The following NAALADL2 variants were observed in gnomAD, a reference collection of about 807,000 sequenced individuals.
NAALADL2 encodes N-acetylated alpha-linked acidic dipeptidase like 2, also known as inactive N-acetylated-alpha-linked acidic dipeptidase-like protein 2.
Under a neutral mutation model 87.2 loss-of-function variants are expected in NAALADL2, and 76 were observed. That is an observed-to-expected ratio of 0.87 (90% confidence interval 0.72 to 1.05). NAALADL2 has a LOEUF of 1.05. Among genes scored for constraint, NAALADL2 ranks in the 50% least tolerant of loss-of-function variants. The pLI is 0.00. For synonymous variants in NAALADL2, 354 were observed against 331.0 expected, an observed-to-expected ratio of 1.07 and a Z score of -0.75; for missense variants, 1,089 against 945.8, an observed-to-expected ratio of 1.15 and a Z score of -1.99.
chr3:175,406,365 G>A (rs1219152570), intron 5 of NAALADL2, among the ~76,000 whole-genome samples: 1 of 152,134 alleles, frequency 6.6e-6, no homozygotes, highest in African/African-American at 2.4e-5. Context: ...TCCTGACTAA[G>A]ACACAACATT....
rs1037338269 is a variant in NAALADL2, at chr3:175,362,890, T to A, written c.1090+38565T>A. 2.7e-5 allele frequency among the ~76,000 whole-genome samples: 4 copies of A among 147,922 alleles called. 1 individual carries two copies. The highest frequency in any genetic ancestry group is 4.9e-5 in the African/African-American group (2 of 40,698). ...CATGGCCATTCTTGAAGGAGTAAGG[T>A]GGTATCACCTTGTGGTTTTGATTTT... is the stretch of plus-strand genomic sequence containing the variant. On this transcript the variant is annotated intron_variant, in intron 5 of 13. Coordinates refer to ENST00000454872, the MANE Select transcript of NAALADL2 (RefSeq NM_207015.3).
chr3:175,660,087 T>C (rs1248763723), intron 11 of NAALADL2, among the ~76,000 whole-genome samples: 1 of 152,150 alleles, frequency 6.6e-6, no homozygotes, highest in Non-Finnish European at 1.5e-5. Flanking sequence ...TATGTCCTCA[T>C]GTGGTGAAAA....
intron 2 of NAALADL2, among the ~76,000 whole-genome samples, chr3:174,706,749 C>T (rs1016431018): frequency 1.3e-5 from 2 of 152,164 alleles, no homozygotes; most frequent in African/African-American, 4.8e-5. Context: ...AGGTTTTCTT[C>T]TAGGGTTTTT....
At chr3:175,174,824 A>G (rs981583700) in intron 2 of NAALADL2, among the ~76,000 whole-genome samples, 2 of 99,988 alleles carry the variant, frequency 2.0e-5, no homozygotes, top group African/African-American at 6.2e-5. Flanking sequence ...ATATATGTAT[A>G]CACACACACA....
At chr3:175,623,736 A>G (rs1726578285) in intron 10 of NAALADL2, among the ~76,000 whole-genome samples, 1 of 152,004 alleles carries the variant, frequency 6.6e-6, no homozygotes, top group Admixed American at 6.6e-5. Context: ...GGAATCTCAT[A>G]AAGCCTCAGG....
chr3:175,000,432 C>G (rs904715268), intron 1 of NAALADL2, among the ~76,000 whole-genome samples: 1 of 152,108 alleles, frequency 6.6e-6, no homozygotes, highest in Non-Finnish European at 1.5e-5. Context: ...ATTTCTGTCA[C>G]GAGTACTCAA....
At chr3:175,623,579 C>T (rs1726553457) in intron 10 of NAALADL2, among the ~76,000 whole-genome samples, 1 of 151,868 alleles carries the variant, frequency 6.6e-6, no homozygotes, top group Admixed American at 6.6e-5. Flanking sequence ...TGGGTGGGCT[C>T]AAAATCCTAT....
chr3:174,884,817 T>G (rs1235491023), intron 1 of NAALADL2, among the ~76,000 whole-genome samples: 5 of 152,120 alleles, frequency 3.3e-5, no homozygotes, highest in Non-Finnish European at 7.4e-5. Context: ...GCACACCTCC[T>G]CAGAGGTGAC....
intron 12 of NAALADL2, among the ~76,000 whole-genome samples, chr3:175,754,703 GA>G (rs1285034005): frequency 6.6e-6 from 1 of 152,012 alleles, no homozygotes; most frequent in Non-Finnish European, 1.5e-5. Context: ...ATAAATTTTT[GA>G]GTCAGAAAGA....
intron 2 of NAALADL2, among the ~76,000 whole-genome samples, chr3:174,578,132 T>G (rs1274376523): frequency 6.6e-6 from 1 of 152,000 alleles, no homozygotes; most frequent in Non-Finnish European, 1.5e-5. Flanking sequence ...ATCACTGACC[T>G]GTGGAACAAT....
In NAALADL2 at chr3:174,447,013, T is replaced by G. The variant is rs75137443; in HGVS notation, c.-184+5981T>G. On this transcript the variant is annotated intron_variant, in intron 1 of 3. Transcript: ENST00000434257. Reference sequence around the variant, plus strand: ...CTTTAAAAATAATAACAAGGTATCTTCAAGTAAAATGGCTACTAATTATGC... The same window carrying G: ...CTTTAAAAATAATAACAAGGTATCTGCAAGTAAAATGGCTACTAATTATGC... Among the ~76,000 whole-genome samples, 814 of 152,258 alleles carry G rather than the reference T, an allele frequency of 5.3e-3. 7 individuals are homozygous for G. Among genetic ancestry groups the G allele is most frequent in the East Asian group, 0.041 (211 of 5,180 alleles).
intron 10 of NAALADL2, among the ~76,000 whole-genome samples, chr3:175,619,381 A>G (rs1646082120): frequency 6.6e-6 from 1 of 151,360 alleles, no homozygotes; most frequent in African/African-American, 2.4e-5. Flanking sequence ...CACTAACAAG[A>G]TTGCCTCCCA....
At chr3:175,738,698 A>G (rs528476907) in intron 12 of NAALADL2, among the ~76,000 whole-genome samples, 8 of 152,272 alleles carry the variant, frequency 5.3e-5, no homozygotes, top group African/African-American at 1.9e-4. Flanking sequence ...ATTTGTTACC[A>G]TACAAATAGC....
intron 10 of NAALADL2, among the ~76,000 whole-genome samples, chr3:175,590,591 A>C (rs12487225): frequency 0.88 from 134,511 of 152,036 alleles, 59,785 homozygotes; most frequent in Admixed American, 0.94. Flanking sequence ...GATCAACATG[A>C]TCAAATTTTG....
intron 1 of NAALADL2, among the ~76,000 whole-genome samples, chr3:174,902,412 C>T (rs1732424907): frequency 6.6e-6 from 1 of 151,736 alleles, no homozygotes; most frequent in Admixed American, 6.6e-5. Context: ...CCGGTAGTGA[C>T]TATTAATGTA....
chr3:174,518,876 C>T (rs1171832212), intron 1 of NAALADL2, among the ~76,000 whole-genome samples: 1 of 152,168 alleles, frequency 6.6e-6, no homozygotes, highest in Non-Finnish European at 1.5e-5. Context: ...TTTGAGAAAG[C>T]AGAAGTAGTT....
intron 3 of NAALADL2, among the ~76,000 whole-genome samples, chr3:174,811,092 G>T (rs559102023): frequency 6.6e-6 from 1 of 152,204 alleles, no homozygotes; most frequent in Non-Finnish European, 1.5e-5. Context: ...TGCAGGGGAC[G>T]TATGGAAAAG....
intron 3 of NAALADL2, among the ~76,000 whole-genome samples, chr3:174,840,379 A>T (rs1260779968): frequency 6.6e-6 from 1 of 152,120 alleles, no homozygotes; most frequent in Non-Finnish European, 1.5e-5. Flanking sequence ...CAAGGTGTGC[A>T]CTAGGAGTCG....
chr3:175,550,646 T>A (rs1428889861), intron 9 of NAALADL2, among the ~76,000 whole-genome samples: 1 of 152,196 alleles, frequency 6.6e-6, no homozygotes, highest in African/African-American at 2.4e-5. Context: ...GTCCTTAATC[T>A]GCTTGGGCAG....
Sources: gnomAD v4.1 joint callset for allele counts (sites outside exome capture counted in the v4.1 genomes callset) on GRCh38, gnomAD v4.1.1 for gene constraint, MANE v1.5 for transcripts, NCBI Gene and HGNC (gene_info 2026-07-23, HGNC 2026-07-21) for gene names.